Variants in NUP210 observed in about 807,000 individuals in gnomAD.
NUP210 encodes the protein nucleoporin 210.
NUP210 carries 151 observed loss-of-function variants against 196.0 expected under a neutral mutation model. The observed-to-expected ratio is 0.77, with a 90% CI of 0.67 to 0.88. NUP210 has a LOEUF of 0.88. Ranked by LOEUF, NUP210 falls within the 40% of genes least tolerant of loss-of-function variation. NUP210 has a pLI of 0.00. For missense variants in NUP210, 2,314 were observed against 2,493.7 expected (o/e 0.93, Z 1.53); for synonymous variants, 1,070 against 1,052.7 (o/e 1.02, Z -0.32).
chr3:13,418,198 T>A (rs1700408384), intron 1 of NUP210, among the ~76,000 whole-genome samples: 1 of 152,216 alleles, frequency 6.6e-6, no homozygotes, highest in African/African-American at 2.4e-5. Context: ...GCCTCTGGCA[T>A]CAGGCCAGAA....
chr3:13,374,975 A>G (rs1319120008), intron 11 of NUP210, among the ~76,000 whole-genome samples: 3 of 152,236 alleles, frequency 2.0e-5, no homozygotes, highest in Non-Finnish European at 4.4e-5. Context: ...AGGTCAGAGC[A>G]GTGATCCATC....
intron 16 of NUP210, chr3:13,354,344 G>A: frequency 1.8e-6 from 1 of 546,518 alleles, no homozygotes; most frequent in South Asian, 2.2e-5. Context: ...GAACCACTAG[G>A]GGGCCTTCAG....
chr3:13,371,117 C>T (rs1698716159), intron 13 of NUP210, among the ~76,000 whole-genome samples: 1 of 152,248 alleles, frequency 6.6e-6, no homozygotes, highest in South Asian at 2.1e-4. Context: ...TCTTCTTCTT[C>T]GGCAAATCAG....
rs767872519 is a variant in NUP210, at chr3:13,328,877, C to G, written c.4180G>C (p.Val1394Leu). Reference sequence around the variant, plus strand: ...ACGGTCATTCCCAAAGGCACGGCCACCAGGGCCTCCTTGTTCTGGGTGTGC... The same window carrying G: ...ACGGTCATTCCCAAAGGCACGGCCAGCAGGGCCTCCTTGTTCTGGGTGTGC... ...VLHTQNKEALVAVPLGMTVTF... is the reference protein window; with the variant it reads ...VLHTQNKEALLAVPLGMTVTF... The change falls in exon 31 of 40, where the codon GTG becomes CTG. Residue 1394 changes from valine (V) to leucine (L), a missense_variant. Val to Leu is a conservative substitution (Grantham distance 32). Coordinates refer to ENST00000254508, the MANE Select transcript of NUP210 (RefSeq NM_024923.4). The G allele has an allele frequency of 1.7e-5, 27 of 1,614,024 alleles. No individual in the cohort carries two copies. The highest frequency in any genetic ancestry group is 2.1e-5 in the Non-Finnish European group (25 of 1,180,010).
intron 36 of NUP210, among the ~76,000 whole-genome samples, chr3:13,321,085 C>T (rs548488598): frequency 1.9e-4 from 29 of 152,336 alleles, no homozygotes; most frequent in African/African-American, 6.7e-4. Context: ...GCGGAAATGC[C>T]GAGGAACTCC....
intron 14 of NUP210, among the ~76,000 whole-genome samples, chr3:13,361,562 G>A (rs573092684): frequency 6.6e-6 from 1 of 152,228 alleles, no homozygotes; most frequent in African/African-American, 2.4e-5. Flanking sequence ...TCACTCTGAG[G>A]GGTCCCGCAG....
chr3:13,327,352 C>A lies in NUP210; in HGVS notation c.4372G>T (p.Val1458Leu). Residue 1458 changes from valine (V) to leucine (L), a missense_variant, in exon 32 of 40, where the codon GTG (valine) becomes TTG (leucine). Val to Leu is a conservative substitution (Grantham distance 32). Coordinates refer to ENST00000254508, the MANE Select transcript of NUP210 (RefSeq NM_024923.4). ...TVSVGLTLLR[V>L]WDAEHPGLSD... ...AGGCCCGGGTGCTCTGCGTCCCACA[C>A]ACGGAGCAGTGTCAGGCCCACGCTG... 6.2e-7 allele frequency: 1 copy of A among 1,613,496 alleles called. No homozygotes were observed. Among genetic ancestry groups the A allele is most frequent in the Non-Finnish European group, 8.5e-7 (1 of 1,180,034 alleles).
At chr3:13,381,895 C>T (rs1699114098) in intron 6 of NUP210, among the ~76,000 whole-genome samples, 1 of 152,078 alleles carries the variant, frequency 6.6e-6, no homozygotes, top group African/African-American at 2.4e-5. Flanking sequence ...CAGGGATGAC[C>T]ATGGAGCTCC....
chr3:13,326,417 G>A (rs1245278894), intron 32 of NUP210, among the ~76,000 whole-genome samples: 1 of 152,166 alleles, frequency 6.6e-6, no homozygotes, highest in Non-Finnish European at 1.5e-5. Flanking sequence ...TGAGTTAAAA[G>A]CCAATCACAT....
intron 13 of NUP210, among the ~76,000 whole-genome samples, chr3:13,367,312 G>T (rs1325738630): frequency 6.6e-6 from 1 of 151,944 alleles, no homozygotes; most frequent in African/African-American, 2.4e-5. Flanking sequence ...GCGCCTGTCT[G>T]TAATCCCAGC....
At chr3:13,414,507 C>A (rs551344022) in intron 1 of NUP210, among the ~76,000 whole-genome samples, 26 of 76 alleles carry the variant, frequency 0.34, no homozygotes, top group East Asian at 0.48. Context: ...CCAGTCTAAC[C>A]CTGCCCACAT....
chr3:13,395,686 T>C (rs1309709472), intron 3 of NUP210, among the ~76,000 whole-genome samples: 1 of 152,164 alleles, frequency 6.6e-6, no homozygotes, highest in Admixed American at 6.5e-5. Flanking sequence ...GTTTTTCCAC[T>C]CATCCGTTGA....
chr3:13,362,755 G>A (rs867445772), intron 14 of NUP210, among the ~76,000 whole-genome samples: 8 of 152,014 alleles, frequency 5.3e-5, no homozygotes, highest in African/African-American at 1.7e-4. Flanking sequence ...AGAGCCAGGC[G>A]TGGCCCCTGT....
intron 1 of NUP210, among the ~76,000 whole-genome samples, chr3:13,406,046 A>G (rs932404633): frequency 6.6e-6 from 1 of 152,224 alleles, no homozygotes; most frequent in African/African-American, 2.4e-5. Flanking sequence ...TTTTTTAAAA[A>G]GTGAGTCATT....
chr3:13,371,275 T>C (rs1698720993), intron 13 of NUP210, among the ~76,000 whole-genome samples: 1 of 152,160 alleles, frequency 6.6e-6, no homozygotes, highest in Non-Finnish European at 1.5e-5. Flanking sequence ...ACAGCCTCAG[T>C]TTCTTCATCT....
In NUP210 at chr3:13,347,122, A is replaced by C. The variant is rs370483790; in HGVS notation, c.2836-3819T>G. ...ATGGCCCCATGACGGGCTGCGCCTCACAGGACCCAGGAGATGGAGAGAAGC... is the reference window on the plus strand; with the variant it reads ...ATGGCCCCATGACGGGCTGCGCCTCCCAGGACCCAGGAGATGGAGAGAAGC... On this transcript the variant is annotated intron_variant, in intron 20 of 39. Coordinates refer to ENST00000254508, the MANE Select transcript of NUP210 (RefSeq NM_024923.4). The surrounding 1 kb of genome is among the most constrained non-coding windows in gnomAD (Gnocchi z 4.7). The C allele has an allele frequency of 2.4e-5, 24 of 985,314 alleles. 1 individual carries two copies. In the East Asian group the frequency reaches 3.4e-4, roughly 14 times the overall value. The allele number at this position is 985,314 out of a possible 1,614,324, so 61.0% of individuals were successfully genotyped here.
Position 13,348,750 on chromosome 3 carries a change from TG to T in NUP210, c.2835+3128del, listed in dbSNP as rs931820167. The T allele has an allele frequency of 3.0e-6, 3 of 985,332 alleles. No individual in the cohort carries two copies. The Admixed American group carries it at 1.8e-4, about 61-fold the overall frequency. 61.0% of individuals were successfully genotyped at this position (985,332 alleles called of 1,614,324 possible). A position where few individuals can be genotyped will look rare whatever the true frequency, so the allele number is the denominator to read the frequency against. On this transcript the variant is annotated intron_variant, in intron 20 of 39. Transcript: ENST00000254508. This position sits in a 1 kb window ranked among gnomAD's most constrained non-coding sequence, Gnocchi z 4.0. ...GTCCTGCCATCCAAGGGTCTGCCTCTGAGAAGAACAGGAACAGTGGGACTCC... is the reference window on the plus strand; with the variant it reads ...GTCCTGCCATCCAAGGGTCTGCCTCTAGAAGAACAGGAACAGTGGGACTCC...
chr3:13,359,259 C>A (rs1698290892), intron 15 of NUP210, among the ~76,000 whole-genome samples: 2 of 152,166 alleles, frequency 1.3e-5, no homozygotes, highest in Admixed American at 6.5e-5. Flanking sequence ...ATTCTTACAG[C>A]CCTGAGAGGG....
chr3:13,400,676 G>A (rs985418769), intron 1 of NUP210, among the ~76,000 whole-genome samples: 4 of 152,204 alleles, frequency 2.6e-5, no homozygotes, highest in African/African-American at 9.6e-5. Context: ...CAGGCCTAGT[G>A]TACAGGGCCT....
Sources: allele counts gnomAD v4.1 joint callset (sites outside exome capture counted in the v4.1 genomes callset), GRCh38; gene constraint gnomAD v4.1.1; non-coding constraint Gnocchi (gnomAD v3.1); transcripts MANE v1.5; gene names NCBI Gene and HGNC (gene_info 2026-07-23, HGNC 2026-07-21).